TMEM117: variants seen among roughly 807,000 people sequenced by gnomAD.
TMEM117 encodes the protein transmembrane protein 117.
In TMEM117, 27 loss-of-function variants were observed where a neutral mutation model predicts 52.4. That is an observed-to-expected ratio of 0.51 (90% CI 0.38 to 0.71). The LOEUF (loss-of-function observed/expected upper bound fraction) is 0.71. Ranked by LOEUF, TMEM117 falls within the 30% of genes least tolerant of loss-of-function variation. The probability of loss-of-function intolerance (pLI) is 0.00; values close to 1 mark genes in which losing one functional copy is unlikely to be tolerated. For synonymous variants in TMEM117, 215 were observed against 206.3 expected, an observed-to-expected ratio of 1.04 and a Z score of -0.36; for missense variants, 556 against 630.5, an observed-to-expected ratio of 0.88 and a Z score of 1.26.
At chr12:43,899,254 G>A (rs535129502) in intron 2 of TMEM117, among the ~76,000 whole-genome samples, 2 of 152,338 alleles carry the variant, frequency 1.3e-5, no homozygotes, top group South Asian at 2.1e-4. Context: ...TTGTAAGGTA[G>A]TGAAAGTTGG....
intron 6 of TMEM117, among the ~76,000 whole-genome samples, chr12:44,360,957 T>C (rs780249732): frequency 1.3e-5 from 2 of 152,206 alleles, no homozygotes; most frequent in South Asian, 4.1e-4. Flanking sequence ...TTTTATGGCT[T>C]TAGCAATAGT....
chr12:44,298,314 T>C (rs1375277137), intron 5 of TMEM117, among the ~76,000 whole-genome samples: 1 of 150,900 alleles, frequency 6.6e-6, no homozygotes. Context: ...AACGGATATG[T>C]GTTCTACAAT....
At position 44,218,232 on chromosome 12, in the gene TMEM117, A is replaced by G. The variant is rs536772975; in HGVS notation, c.608+6845A>G. ...GAGTAAGGCTCCGTCAAAAAAAACA[A>G]AAAACAAAAAACTAGCAAACCAACT... On this transcript the variant is annotated intron_variant, in intron 5 of 7. Coordinates refer to ENST00000266534, the MANE Select transcript of TMEM117 (RefSeq NM_032256.3). Among the ~76,000 whole-genome samples the G allele has an allele frequency of 1.7e-3, 264 of 152,206 alleles. 5 individuals carry two copies. The highest frequency in any genetic ancestry group is 6.1e-3 in the African/African-American group (253 of 41,524).
At chr12:44,006,500 A>T (rs1478605830) in intron 3 of TMEM117, among the ~76,000 whole-genome samples, 1 of 152,186 alleles carries the variant, frequency 6.6e-6, no homozygotes, top group Non-Finnish European at 1.5e-5. Flanking sequence ...ATGCAGATTG[A>T]ATGATAGCTT....
chr12:43,820,442 T>A, the TMEM117 span, among the ~76,000 whole-genome samples: 2 of 151,786 alleles, frequency 1.3e-5, no homozygotes, highest in Admixed American at 6.6e-5. Context: ...CCCGGCTAAT[T>A]TTTTGTATTT....
At chr12:44,350,466 G>C (rs1285097116) in intron 6 of TMEM117, among the ~76,000 whole-genome samples, 1 of 151,812 alleles carries the variant, frequency 6.6e-6, no homozygotes, top group Non-Finnish European at 1.5e-5. Flanking sequence ...ACCCTGTTTT[G>C]CTGTCAAACT....
At chr12:43,920,445 G>A (rs1340341848) in intron 2 of TMEM117, among the ~76,000 whole-genome samples, 17 of 150,218 alleles carry the variant, frequency 1.1e-4, no homozygotes, top group Admixed American at 1.1e-3. Flanking sequence ...CCCGGGAGGC[G>A]GAGGTTGCAG....
In TMEM117 at chr12:44,007,704, G is replaced by T. The variant is rs145873486; in HGVS notation, c.410+63362G>T. Among the ~76,000 whole-genome samples the T allele has an allele frequency of 4.8e-3, 732 of 152,174 alleles. 19 individuals are homozygous for T. The highest frequency in any genetic ancestry group is 0.039 in the East Asian group (203 of 5,156). On this transcript the variant is annotated intron_variant, in intron 3 of 7. Coordinates refer to ENST00000266534, the MANE Select transcript of TMEM117 (RefSeq NM_032256.3). ...CATGTGTAGTGGGAGGGACCCAGTG[G>T]GAGGTAATTGAATCATGGGGGCTAG...
chr12:44,099,787 C>T (rs965525112), intron 3 of TMEM117, among the ~76,000 whole-genome samples: 4 of 151,752 alleles, frequency 2.6e-5, no homozygotes, highest in African/African-American at 9.7e-5. Flanking sequence ...ATTATTTTGC[C>T]ATATGTATAT....
chr12:43,985,861 T>C (rs1040093490), intron 3 of TMEM117, among the ~76,000 whole-genome samples: 1 of 152,244 alleles, frequency 6.6e-6, no homozygotes, highest in African/African-American at 2.4e-5. Flanking sequence ...AAACCTTCAC[T>C]GAGGGGTCCA....
At chr12:43,972,573 A>G (rs1358574404) in intron 3 of TMEM117, among the ~76,000 whole-genome samples, 1 of 152,170 alleles carries the variant, frequency 6.6e-6, no homozygotes, top group Non-Finnish European at 1.5e-5. Flanking sequence ...TCTGTTTTAC[A>G]GAGTGCTGAT....
At chr12:44,090,744 A>T (rs1947652509) in intron 3 of TMEM117, among the ~76,000 whole-genome samples, 1 of 151,912 alleles carries the variant, frequency 6.6e-6, no homozygotes, top group South Asian at 2.1e-4. Context: ...TCAGCCCAGA[A>T]CACCTTTTAA....
chr12:44,094,308 A>G (rs551113195), intron 3 of TMEM117, among the ~76,000 whole-genome samples: 1 of 152,272 alleles, frequency 6.6e-6, no homozygotes, highest in African/African-American at 2.4e-5. Context: ...AACTTAAAAA[A>G]TGTGCACTTT....
intron 5 of TMEM117, among the ~76,000 whole-genome samples, chr12:44,254,022 A>C (rs1565640893): frequency 6.6e-6 from 1 of 151,744 alleles, no homozygotes; most frequent in Admixed American, 6.6e-5. Flanking sequence ...AAAAAAAAAA[A>C]AAAAAACATA....
At chr12:43,919,576 A>G (rs1030669350) in intron 2 of TMEM117, among the ~76,000 whole-genome samples, 1 of 152,182 alleles carries the variant, frequency 6.6e-6, no homozygotes, top group Non-Finnish European at 1.5e-5. Flanking sequence ...GCTTGTTTAT[A>G]TAGCTTGGCT....
At chr12:43,824,481 G>A in the TMEM117 span, among the ~76,000 whole-genome samples, 1 of 152,232 alleles carries the variant, frequency 6.6e-6, no homozygotes, top group Non-Finnish European at 1.5e-5. Context: ...ATGGCTCCAG[G>A]AAATGGGCTC....
chr12:43,932,399 TG>T (rs1944886255), intron 2 of TMEM117, among the ~76,000 whole-genome samples: 1 of 152,014 alleles, frequency 6.6e-6, no homozygotes, highest in African/African-American at 2.4e-5. Context: ...ATACCCTTTT[TG>T]ATGGTGATCA....
chr12:44,106,609 T>C (rs747441962), intron 3 of TMEM117, among the ~76,000 whole-genome samples: 1 of 152,040 alleles, frequency 6.6e-6, no homozygotes, highest in African/African-American at 2.4e-5. Flanking sequence ...TGTATACATA[T>C]AACATCACTT....
At chr12:44,242,663 C>A (rs1244077465) in intron 5 of TMEM117, among the ~76,000 whole-genome samples, 2 of 145,906 alleles carry the variant, frequency 1.4e-5, no homozygotes, top group Admixed American at 6.9e-5. Flanking sequence ...TATATTATAT[C>A]TATATGTATA....
Sources: allele counts gnomAD v4.1 joint callset (sites outside exome capture counted in the v4.1 genomes callset), GRCh38; gene constraint gnomAD v4.1.1; transcripts MANE v1.5; gene names NCBI Gene and HGNC (gene_info 2026-07-23, HGNC 2026-07-21).